Variants in VCF1 observed in about 807,000 individuals in gnomAD.
VCF1 encodes the protein protein VCF1.
At chr17:73,209,100 G>GT in the VCF1 span, 8 of 189,534 alleles carry the variant, frequency 4.2e-5, no homozygotes, top group African/African-American at 9.5e-5. Flanking sequence ...AAAAACTTAT[G>GT]TTTTTTCATG....
chr17:73,207,429 C>T, the VCF1 span: 3 of 745,122 alleles, frequency 4.0e-6, no homozygotes, highest in East Asian at 2.7e-5. Context: ...GCTTGAGCTA[C>T]TAGAAGGTGT....
the VCF1 span, chr17:73,207,449 C>T: frequency 1.6e-5 from 11 of 703,096 alleles, no homozygotes; most frequent in Non-Finnish European, 2.5e-5. Context: ...TAAAAGATGC[C>T]CGCTGACACT....
At chr17:73,219,191 C>CA in the VCF1 span, among the ~76,000 whole-genome samples, 9,966 of 41,848 alleles carry the variant, frequency 0.24, 990 homozygotes, top group Non-Finnish European at 0.27. Context: ...AACTCCGTCT[C>CA]AAAAAAAAAA....
chr17:73,207,592 T>C, the VCF1 span: 1 of 881,892 alleles, frequency 1.1e-6, no homozygotes. Flanking sequence ...AAAATCTGTT[T>C]TGTTCTGGTG....
chr17:73,207,591 T>G, the VCF1 span: 1 of 875,196 alleles, frequency 1.1e-6, no homozygotes, highest in Non-Finnish European at 1.6e-6. Context: ...GAAAATCTGT[T>G]TTGTTCTGGT....
chr17:73,210,415 T>A, the VCF1 span, among the ~76,000 whole-genome samples: 1 of 151,766 alleles, frequency 6.6e-6, no homozygotes, highest in African/African-American at 2.4e-5. Context: ...GTAACTAACA[T>A]GACTTGGTGT....
At chr17:73,224,261 TCCAAAAAAAAA>T in the VCF1 span, among the ~76,000 whole-genome samples, 4 of 70,352 alleles carry the variant, frequency 5.7e-5, no homozygotes, top group African/African-American at 1.7e-4. Context: ...ACGTCGTCTC[TCCAAAAAAAAA>T]AAAAAAAAAA....
the VCF1 span, among the ~76,000 whole-genome samples, chr17:73,230,497 G>A: frequency 3.4e-4 from 52 of 152,104 alleles, no homozygotes; most frequent in East Asian, 8.3e-3. Flanking sequence ...CCAGGTTCAA[G>A]CGATTCTCCT....
chr17:73,220,646 T>C, the VCF1 span, among the ~76,000 whole-genome samples: 1 of 150,954 alleles, frequency 6.6e-6, no homozygotes, highest in Admixed American at 6.6e-5. Flanking sequence ...GGTTTCACCA[T>C]GTTGACCAAA....
At chr17:73,230,583 G>C in the VCF1 span, among the ~76,000 whole-genome samples, 1 of 152,192 alleles carries the variant, frequency 6.6e-6, no homozygotes. Context: ...TTTTAGTAGA[G>C]ACAGAGTTTC....
chr17:73,227,105 G>C, the VCF1 span: 1 of 1,171,898 alleles, frequency 8.5e-7, no homozygotes, highest in Non-Finnish European at 1.2e-6. Context: ...TTACACAGCA[G>C]ATACTAGGTT....
chr17:73,215,552 G>A, the VCF1 span, among the ~76,000 whole-genome samples: 1 of 152,196 alleles, frequency 6.6e-6, no homozygotes, highest in Non-Finnish European at 1.5e-5. Context: ...AGGATTACAA[G>A]TGTAAGCCAC....
At chr17:73,229,375 T>G in the VCF1 span, 1 of 985,474 alleles carries the variant, frequency 1.0e-6, no homozygotes, top group Non-Finnish European at 1.2e-6. Flanking sequence ...GATTACAATT[T>G]TTGGCATTAA....
chr17:73,210,109 T>G, the VCF1 span, among the ~76,000 whole-genome samples: 1 of 152,308 alleles, frequency 6.6e-6, no homozygotes, highest in Admixed American at 6.5e-5. Flanking sequence ...TCCCATTCAT[T>G]TCAATAATTT....
At chr17:73,215,990 A>G in the VCF1 span, among the ~76,000 whole-genome samples, 1 of 152,136 alleles carries the variant, frequency 6.6e-6, no homozygotes, top group Non-Finnish European at 1.5e-5. Flanking sequence ...GGAGTGAGTG[A>G]GAGGGAAACT....
chr17:73,209,595 G>A, the VCF1 span: 169 of 1,582,886 alleles, frequency 1.1e-4, no homozygotes, highest in East Asian at 4.2e-4. Flanking sequence ...TCTGGTTGAT[G>A]TGGAAGTAGA....
chr17:73,230,807 T>C, the VCF1 span, among the ~76,000 whole-genome samples: 68 of 152,184 alleles, frequency 4.5e-4, no homozygotes, highest in Admixed American at 2.5e-3. Flanking sequence ...TTAAAACATG[T>C]TGAGATTATT....
chr17:73,227,240 T>G, the VCF1 span: 129 of 1,576,074 alleles, frequency 8.2e-5, 1 homozygote, highest in Admixed American at 1.5e-3. Context: ...GGTTGTCTTC[T>G]TCGTTGCCAT....
chr17:73,219,754 C>T, the VCF1 span, among the ~76,000 whole-genome samples: 7 of 152,038 alleles, frequency 4.6e-5, no homozygotes, highest in South Asian at 2.1e-4. Flanking sequence ...AGGTGGATCA[C>T]GTGAGTCCAG....
Sources: allele counts gnomAD v4.1 joint callset (sites outside exome capture counted in the v4.1 genomes callset), GRCh38; gene constraint gnomAD v4.1.1; transcripts MANE v1.5; gene names NCBI Gene and HGNC (gene_info 2026-07-23, HGNC 2026-07-21).